The following ACTR5 variants were observed in gnomAD, a reference collection of about 807,000 sequenced individuals.
The protein encoded by ACTR5 is actin-related protein 5.
A neutral mutation model predicts 61.2 loss-of-function variants in ACTR5; 43 were observed. That is an observed-to-expected ratio of 0.70 (90% CI 0.55 to 0.91). ACTR5 has a LOEUF of 0.91. Among genes scored for constraint, ACTR5 ranks in the 40% least tolerant of loss-of-function variants. The probability of loss-of-function intolerance (pLI) is 0.00; values close to 1 mark genes in which losing one functional copy is unlikely to be tolerated. For synonymous variants in ACTR5, 333 were observed against 310.5 expected, an observed-to-expected ratio of 1.07 and a Z score of -0.76; for missense variants, 798 against 782.2, an observed-to-expected ratio of 1.02 and a Z score of -0.24.
intron 7 of ACTR5, among the ~76,000 whole-genome samples, 190 bp from the exon 8 acceptor site, chr20:38,767,274 T>C (rs1296604811): frequency 2.0e-5 from 3 of 152,202 alleles, no homozygotes; most frequent in African/African-American, 7.2e-5. Flanking sequence ...CGGTTTTGTC[T>C]GGCTGTTTGG....
intron 5 of ACTR5, among the ~76,000 whole-genome samples, chr20:38,761,225 G>C (rs933677153): frequency 7.9e-5 from 12 of 152,202 alleles, no homozygotes; most frequent in Admixed American, 7.9e-4. Context: ...CTGGCCCTGA[G>C]CTCCTTATCT....
chr20:38,771,466 T>C, intron 8 of ACTR5, 93 bp from the exon 9 acceptor site: 1 of 1,523,300 alleles, frequency 6.6e-7, no homozygotes, highest in Non-Finnish European at 8.9e-7. Context: ...TGTATATTTC[T>C]GGGGATAAAA....
intron 8 of ACTR5, among the ~76,000 whole-genome samples, chr20:38,770,988 C>T (rs2084516348): frequency 6.6e-6 from 1 of 152,196 alleles, no homozygotes; most frequent in African/African-American, 2.4e-5. Flanking sequence ...GCAGTGTTAC[C>T]ATAATGATCA....
intron 2 of ACTR5, among the ~76,000 whole-genome samples, chr20:38,750,909 G>A (rs1251831140): frequency 1.3e-4 from 20 of 152,236 alleles, no homozygotes; most frequent in Non-Finnish European, 8.8e-5. Context: ...GGGATTACAG[G>A]GGTGAGCCAC....
At chr20:38,767,635 C>T (rs2084495973) in intron 8 of ACTR5, 39 bp downstream of exon 8, 2 of 1,567,050 alleles carry the variant, frequency 1.3e-6, no homozygotes, top group Non-Finnish European at 1.7e-6. Context: ...TTGAAAATAG[C>T]ATTACCTGTT....
At chr20:38,768,962 G>GA (rs796869744) in intron 8 of ACTR5, among the ~76,000 whole-genome samples, 17 of 152,284 alleles carry the variant, frequency 1.1e-4, no homozygotes, top group African/African-American at 4.1e-4. Context: ...AGAAATATTG[G>GA]AAGCAGACCA....
rs1317781080 is a variant in ACTR5 at position 38,748,724 on chromosome 20, C to T, written c.246C>T (p.Asn82=). The T allele has an allele frequency of 3.2e-6, 5 of 1,555,184 alleles. No individual in the cohort carries two copies. The highest frequency in any genetic ancestry group is 3.9e-5 in the Admixed American group (2 of 51,756). The change falls in exon 1 of 9, where the codon AAC becomes AAT. Residue 82 remains asparagine, a synonymous_variant. Coordinates refer to ENST00000243903, the MANE Select transcript of ACTR5 (RefSeq NM_024855.4). ...GCGCGTCGGGCCCGCAGGTGGGGAA[C>T]GCTCTGGGCAGCCTGGAGCCACTGC... The part of the protein sequence containing the change: ...ARGASGPQVG[N]ALGSLEPLRW...
At chr20:38,764,199 GAGTA>G (rs1260828758) in intron 5 of ACTR5, among the ~76,000 whole-genome samples, 1 of 152,162 alleles carries the variant, frequency 6.6e-6, no homozygotes, top group Non-Finnish European at 1.5e-5. Context: ...TAAATTCCGA[GAGTA>G]AGGAGAGACT....
Position 38,752,104 on chromosome 20 carries a change from G to C in ACTR5, c.606-27G>C, listed in dbSNP as rs116042003. On this transcript the variant is annotated intron_variant, in intron 2 of 8. Coordinates refer to ENST00000243903, the MANE Select transcript of ACTR5 (RefSeq NM_024855.4). Reference sequence around the variant, plus strand: ...ATATTTCTGTCCTCCAGAAATTTCAGTGCTGTTTTCTACTGCTTGGTTATA... The same window carrying C: ...ATATTTCTGTCCTCCAGAAATTTCACTGCTGTTTTCTACTGCTTGGTTATA... 1,083 of 1,599,324 alleles carry C rather than the reference G, an allele frequency of 6.8e-4. 10 individuals are homozygous for C. In the African/African-American group the frequency reaches 0.013, roughly 19 times the overall value.
intron 4 of ACTR5, 35 bp from the exon 5 acceptor site, chr20:38,755,822 A>G: frequency 2.5e-6 from 4 of 1,612,536 alleles, no homozygotes; most frequent in Non-Finnish European, 3.4e-6. Flanking sequence ...CTTTGAAGCT[A>G]CTTTCCTTCC....
In ACTR5 at chr20:38,767,640, C is replaced by T. The variant is rs757723812; in HGVS notation, c.1566+44C>T. 89 of 1,555,426 alleles carry T rather than the reference C, an allele frequency of 5.7e-5. 1 individual carries two copies. The South Asian group carries it at 1.0e-3, about 18-fold the overall frequency. ...GTCAATTATTTTGAAAATAGCATTA[C>T]CTGTTTTCTGATTGCAAAAGTAATA... On this transcript the variant is annotated intron_variant, in intron 8 of 8. Transcript: ENST00000243903.
At chr20:38,754,459 C>G (rs2084405869) in intron 3 of ACTR5, among the ~76,000 whole-genome samples, 1 of 152,072 alleles carries the variant, frequency 6.6e-6, no homozygotes, top group Non-Finnish European at 1.5e-5. Context: ...GGGCTCATAG[C>G]TGTAATACCA....
At chr20:38,768,064 G>A (rs371861254) in intron 8 of ACTR5, among the ~76,000 whole-genome samples, 40 of 152,300 alleles carry the variant, frequency 2.6e-4, no homozygotes, top group African/African-American at 9.6e-4. Context: ...TGCAGAGCCT[G>A]TGCATCCTGC....
rs372092735 is a variant in ACTR5, at chr20:38,758,448, A to G, written c.1176+2409A>G. On this transcript the variant is annotated intron_variant, in intron 5 of 8. Coordinates refer to ENST00000243903, the MANE Select transcript of ACTR5 (RefSeq NM_024855.4). ...GATCACCTGAGGTCAGGAATTCGAG[A>G]CCAGCCTGACCAACATGGTGAAACC... Among the ~76,000 whole-genome samples the G allele has an allele frequency of 3.3e-5, 5 of 152,262 alleles. No individual in the cohort carries two copies. The East Asian group carries it at 9.6e-4, about 29-fold the overall frequency.
Position 38,750,138 on chromosome 20 carries a change from C to T in ACTR5, c.504C>T (p.Leu168=). Residue 168 remains leucine (L), a synonymous_variant, in exon 2 of 9, where the codon CTC becomes CTT. Coordinates refer to ENST00000243903, the MANE Select transcript of ACTR5 (RefSeq NM_024855.4). ...IPKVAYGIDS[L]FSFYHNKPKN... ...AGGTTGCCTATGGAATAGACAGCCTCTTCAGCTTCTACCACAATAAGCCAA... is the reference window on the plus strand; with the variant it reads ...AGGTTGCCTATGGAATAGACAGCCTTTTCAGCTTCTACCACAATAAGCCAA... 1 of 1,614,190 alleles carries T rather than the reference C, an allele frequency of 6.2e-7. No homozygotes were observed. Among genetic ancestry groups the T allele is most frequent in the Non-Finnish European group, 8.5e-7 (1 of 1,180,028 alleles).
chr20:38,749,925 C>T, intron 1 of ACTR5, 85 bp from the exon 2 acceptor site: 2 of 1,203,416 alleles, frequency 1.7e-6, no homozygotes, highest in South Asian at 1.5e-5. Context: ...AAATTCAGTC[C>T]TGCAATAAGG....
chr20:38,771,423 G>A (rs936933259), intron 8 of ACTR5, 136 bp from the exon 9 acceptor site: 20 of 1,161,702 alleles, frequency 1.7e-5, no homozygotes, highest in Admixed American at 2.5e-5. Flanking sequence ...AGCTAGCCCC[G>A]AACTGTCTTG....
At chr20:38,755,297 A>G in intron 4 of ACTR5, 123 bp downstream of exon 4, 2 of 1,030,226 alleles carry the variant, frequency 1.9e-6, no homozygotes, top group Non-Finnish European at 2.8e-6. Flanking sequence ...GGGGTCACGA[A>G]GGAGTCCAGG....
Position 38,755,187 on chromosome 20 carries a change from A to C in ACTR5, c.993+13A>C. On this transcript the variant is annotated intron_variant, in intron 4 of 8. Transcript: ENST00000243903. ...GCTATATGTGCAGGTAATAGCAGAC[A>C]CAGGGACGGGCGCCCTTCCGTGTTA... 1 of 1,578,556 alleles carries C rather than the reference A, an allele frequency of 6.3e-7. No homozygotes were observed. The highest frequency in any genetic ancestry group is 8.6e-7 in the Non-Finnish European group (1 of 1,162,420).
Sources: gnomAD v4.1 joint callset for allele counts (sites outside exome capture counted in the v4.1 genomes callset) on GRCh38, gnomAD v4.1.1 for gene constraint, MANE v1.5 for transcripts, NCBI Gene and HGNC (gene_info 2026-07-23, HGNC 2026-07-21) for gene names.